FHIP1A: variants seen among roughly 807,000 people sequenced by gnomAD.
FHIP1A encodes the protein FHF complex subunit HOOK interacting protein 1A.
A neutral mutation model predicts 88.6 loss-of-function variants in FHIP1A; 61 were observed. That is an observed-to-expected ratio of 0.69 (90% CI 0.56 to 0.85). FHIP1A has a LOEUF of 0.85. Ranked by LOEUF, FHIP1A falls within the 40% of genes least tolerant of loss-of-function variation. The pLI is 0.00. For missense variants in FHIP1A, 1,154 were observed against 1,273.5 expected (o/e 0.91, Z 1.43); for synonymous variants, 478 against 496.0 (o/e 0.96, Z 0.48).
At chr4:151,454,644 A>G (rs1728907444) in intron 1 of FHIP1A, 57 bp from the exon 2 acceptor site, 1 of 152,146 alleles carries the variant, frequency 6.6e-6, no homozygotes, top group Non-Finnish European at 1.5e-5. Flanking sequence ...AGTAAAACAC[A>G]AAAGGTCTGG....
chr4:151,580,580 A>G (rs2126795638), intron 5 of FHIP1A, among the ~76,000 whole-genome samples: 1 of 152,312 alleles, frequency 6.6e-6, no homozygotes, highest in East Asian at 1.9e-4. Flanking sequence ...AAAACTGAAT[A>G]TTTGCCTACT....
At chr4:151,437,110 AG>A (rs1728233396) in intron 1 of FHIP1A, among the ~76,000 whole-genome samples, 1 of 152,088 alleles carries the variant, frequency 6.6e-6, no homozygotes, top group Non-Finnish European at 1.5e-5. Flanking sequence ...ATGGATATGG[AG>A]GGTTGAGTGT....
intron 9 of FHIP1A, among the ~76,000 whole-genome samples, chr4:151,645,069 C>T (rs1195051499): frequency 6.6e-6 from 1 of 152,206 alleles, no homozygotes; most frequent in African/African-American, 2.4e-5. Flanking sequence ...ACAGTCTTGC[C>T]CCCTGTTCCA....
rs1280278613 is a variant in FHIP1A, at chr4:151,658,826, AGCTTAATTT to A, written c.2869+1929_2869+1937del. Among the ~76,000 whole-genome samples, 9 of 152,328 alleles carry A rather than the reference AGCTTAATTT, an allele frequency of 5.9e-5. No individual in the cohort carries two copies. The East Asian group carries it at 1.7e-3, about 29-fold the overall frequency. The stretch of plus-strand genomic sequence containing the variant: ...TGAAAAGGGCAAAAAAGGCACCATT[AGCTTAATTT>A]TCATTAAGGAAGCCAAAATTAGAGG... On this transcript the variant is annotated intron_variant, in intron 13 of 13. Transcript: ENST00000435205.
At chr4:151,554,017 AC>A (rs1000457206) in intron 3 of FHIP1A, among the ~76,000 whole-genome samples, 1 of 151,916 alleles carries the variant, frequency 6.6e-6, no homozygotes, top group Non-Finnish European at 1.5e-5. Flanking sequence ...CCATTCCTAT[AC>A]CCCTCTTATG....
chr4:151,537,936 C>T (rs1196561522), intron 3 of FHIP1A, among the ~76,000 whole-genome samples: 1 of 152,208 alleles, frequency 6.6e-6, no homozygotes, highest in Non-Finnish European at 1.5e-5. Flanking sequence ...CAGTCATAGC[C>T]TCTTTTGCCA....
At chr4:151,532,667 T>C (rs1580676632) in intron 3 of FHIP1A, among the ~76,000 whole-genome samples, 1 of 152,102 alleles carries the variant, frequency 6.6e-6, no homozygotes, top group African/African-American at 2.4e-5. Context: ...AGACATTTCC[T>C]GAGGAATAGG....
At chr4:151,472,549 C>T (rs1729558530) in intron 2 of FHIP1A, among the ~76,000 whole-genome samples, 1 of 151,180 alleles carries the variant, frequency 6.6e-6, no homozygotes, top group Non-Finnish European at 1.5e-5. Flanking sequence ...CTGTGATTGC[C>T]AAGGATGTTT....
chr4:151,573,084 AT>A (rs1297219872), intron 4 of FHIP1A, among the ~76,000 whole-genome samples: 1 of 152,202 alleles, frequency 6.6e-6, no homozygotes, highest in East Asian at 1.9e-4. Flanking sequence ...TATTAATCTT[AT>A]TTAGCCCCAG....
chr4:151,622,046 C>CT (rs1268116941), intron 7 of FHIP1A, among the ~76,000 whole-genome samples: 1 of 152,140 alleles, frequency 6.6e-6, no homozygotes, highest in Non-Finnish European at 1.5e-5. Flanking sequence ...ATTGATTACT[C>CT]TGAGTACCTG....
chr4:151,548,563 G>A (rs796101805), intron 3 of FHIP1A, among the ~76,000 whole-genome samples: 7 of 152,302 alleles, frequency 4.6e-5, no homozygotes, highest in East Asian at 3.9e-4. Context: ...GACCTCTGGT[G>A]GTCCTCACTG....
At chr4:151,471,348 C>T (rs1388257819) in intron 2 of FHIP1A, among the ~76,000 whole-genome samples, 1 of 145,958 alleles carries the variant, frequency 6.9e-6, no homozygotes, top group Non-Finnish European at 1.5e-5. Flanking sequence ...AAAGAAAAAA[C>T]CACCAAAACA....
intron 7 of FHIP1A, among the ~76,000 whole-genome samples, chr4:151,626,888 T>C (rs1735972661): frequency 6.6e-6 from 1 of 152,216 alleles, no homozygotes; most frequent in Non-Finnish European, 1.5e-5. Flanking sequence ...GCAGAGCATC[T>C]TTTCCCTGGT....
At chr4:151,473,892 C>G (rs1729611432) in intron 2 of FHIP1A, among the ~76,000 whole-genome samples, 1 of 152,116 alleles carries the variant, frequency 6.6e-6, no homozygotes, top group South Asian at 2.1e-4. Flanking sequence ...GAGTCAGGCT[C>G]TATATAGGGG....
At chr4:151,627,943 G>A (rs1578836263) in intron 7 of FHIP1A, among the ~76,000 whole-genome samples, 1 of 152,308 alleles carries the variant, frequency 6.6e-6, no homozygotes, top group Non-Finnish European at 1.5e-5. Flanking sequence ...TCCCAGGGCA[G>A]CATTAGGAGT....
chr4:151,584,253 A>G (rs1279129511), intron 5 of FHIP1A, among the ~76,000 whole-genome samples: 2 of 152,072 alleles, frequency 1.3e-5, no homozygotes, highest in Non-Finnish European at 2.9e-5. Context: ...ACCTGACTGG[A>G]CAAATCATCC....
In FHIP1A at chr4:151,662,555, C is replaced by T; in HGVS notation, c.2924C>T (p.Pro975Leu). The part of the protein sequence containing the change: ...TGSGKNLLDG[P>L]PRVLQPFLTH... The stretch of plus-strand genomic sequence containing the variant: ...AGTGGCAAGAACCTTTTGGATGGAC[C>T]TCCAAGAGTGCTTCAGCCCTTCCTG... Residue 975 changes from proline (P) to leucine (L), a missense_variant, in exon 14 of 14, where the codon CCT (proline) becomes CTT (leucine). Transcript: ENST00000435205. 2 of 1,551,276 alleles carry T rather than the reference C, an allele frequency of 1.3e-6. No homozygotes were observed. The highest frequency in any genetic ancestry group is 1.7e-6 in the Non-Finnish European group (2 of 1,146,794).
At chr4:151,611,288 T>C (rs1187204371) in intron 7 of FHIP1A, among the ~76,000 whole-genome samples, 1 of 152,156 alleles carries the variant, frequency 6.6e-6, no homozygotes, top group Non-Finnish European at 1.5e-5. Context: ...GTGCTCTATG[T>C]TAGTAACTCT....
At chr4:151,662,172 C>A (rs1439907530) in intron 13 of FHIP1A, among the ~76,000 whole-genome samples, 2 of 152,244 alleles carry the variant, frequency 1.3e-5, no homozygotes, top group Non-Finnish European at 2.9e-5. Context: ...ACAGGAGATG[C>A]CTTTGTCAGT....
Sources: allele counts gnomAD v4.1 joint callset (sites outside exome capture counted in the v4.1 genomes callset), GRCh38; gene constraint gnomAD v4.1.1; transcripts MANE v1.5; gene names NCBI Gene and HGNC (gene_info 2026-07-23, HGNC 2026-07-21).